ITIH3: variants seen among roughly 807,000 people sequenced by gnomAD.
The protein encoded by ITIH3 is inter-alpha-trypsin inhibitor heavy chain H3.
In ITIH3, 81 loss-of-function variants were observed where a neutral mutation model predicts 96.5. That is an observed-to-expected ratio of 0.84 (90% CI 0.70 to 1.01). The LOEUF is 1.01. Among genes scored for constraint, ITIH3 ranks in the 50% least tolerant of loss-of-function variants. ITIH3 has a pLI of 0.00. For missense variants in ITIH3, 1,057 were observed against 1,139.3 expected (o/e 0.93, Z 1.04); for synonymous variants, 422 against 445.2 (o/e 0.95, Z 0.66).
intron 1 of ITIH3, 118 bp from the exon 2 acceptor site, chr3:52,795,485 G>A (rs1699544271): frequency 9.3e-7 from 1 of 1,069,692 alleles, no homozygotes; most frequent in Non-Finnish European, 1.4e-6. Context: ...CCACTCAGGT[G>A]TGTGGGGGGC....
chr3:52,802,697 G>T lies in ITIH3; in HGVS notation c.1600G>T (p.Val534Leu), dbSNP rs1699882552. The change falls in exon 13 of 22, where the codon GTG becomes TTG. Residue 534 changes from valine to leucine, a missense_variant. By Grantham distance (32) the Val-to-Leu change is conservative (BLOSUM62 1). Coordinates refer to ENST00000449956, the MANE Select transcript of ITIH3 (RefSeq NM_002217.4). Reference protein sequence around the residue: ...ATNDLTFTEEVDMKEMEKALQ... With the variant: ...ATNDLTFTEELDMKEMEKALQ... ...CAACGACCTGACCTTCACAGAGGAG[G>T]TGGACATGAAGGAGATGGAGAAGGC... is the stretch of plus-strand genomic sequence containing the variant. 1 of 1,613,966 alleles carries T rather than the reference G, an allele frequency of 6.2e-7. No individual in the cohort carries two copies. Among genetic ancestry groups the T allele is most frequent in the Non-Finnish European group, 8.5e-7 (1 of 1,179,878 alleles).
At chr3:52,798,494 C>T (rs1367179433) in intron 6 of ITIH3, 5 of 182,146 alleles carry the variant, frequency 2.7e-5, no homozygotes, top group Admixed American at 2.7e-4. Context: ...CCGGGACCCT[C>T]CTCCTCCCCT....
In ITIH3 at chr3:52,805,885, C is replaced by T. The variant is rs762283485; in HGVS notation, c.1906+45C>T. 2.5e-6 allele frequency: 4 copies of T among 1,603,576 alleles called. No homozygotes were observed. The African/African-American group carries it at 5.4e-5, about 21-fold the overall frequency. On this transcript the variant is annotated intron_variant, in intron 16 of 21. Coordinates refer to ENST00000449956, the MANE Select transcript of ITIH3 (RefSeq NM_002217.4). ...TGCCACTCCTCCCACTGCTTAGAGC[C>T]TGCCCCTGCCACATGTCCCTCCACC...
rs751316043 is a variant in ITIH3, at chr3:52,803,912, C to A, written c.1767C>A (p.Ser589=). 6.2e-7 allele frequency: 1 copy of A among 1,613,992 alleles called. No homozygotes were observed. ...ENLTARALDL[S]LKYHFVTPLT... ...TCACGGCCCGGGCCCTGGACCTGTC[C>A]CTCAAGTATCACTTTGTGACTCCAC... The change falls in exon 14 of 22, where the codon TCC becomes TCA. Residue 589 remains serine, a synonymous_variant. Transcript: ENST00000449956.
Position 52,797,116 on chromosome 3 carries a change from G to T in ITIH3, c.398G>T (p.Arg133Met). Residue 133 changes from arginine to methionine, a missense_variant, in exon 5 of 22, where the codon AGG (arginine) becomes ATG (methionine). Arg to Met is a moderately conservative substitution (Grantham distance 91). Coordinates refer to ENST00000449956, the MANE Select transcript of ITIH3 (RefSeq NM_002217.4). Reference protein sequence around the residue: ...KTAGLVKASGRKLEKFTVSVN... With the variant: ...KTAGLVKASGMKLEKFTVSVN... ...CGCACCCTGGTCAGGGCCTCTGGGA[G>T]GAAGTTGGAGAAGTTCACAGTCTCG... 6.2e-7 allele frequency: 1 copy of T among 1,609,386 alleles called. No individual in the cohort carries two copies.
At chr3:52,805,313 A>C in intron 15 of ITIH3, 1 of 1,006,836 alleles carries the variant, frequency 9.9e-7, no homozygotes. Context: ...TTGGACTGGC[A>C]CATTTGGACT....
At chr3:52,806,793 C>A in intron 18 of ITIH3, 108 bp from the exon 19 acceptor site, 1 of 866,670 alleles carries the variant, frequency 1.2e-6, no homozygotes, top group Non-Finnish European at 1.9e-6. Context: ...GTGGCCCCCG[C>A]TCTGCTGCCC....
In ITIH3 at chr3:52,802,477, C is replaced by G. The variant is rs112611952; in HGVS notation, c.1527C>G (p.Asp509Glu). The change falls in exon 12 of 22, where the codon GAC (aspartate) becomes GAG (glutamate). Residue 509 changes from aspartate to glutamate, a missense_variant. By Grantham distance (45) the Asp-to-Glu change is conservative (BLOSUM62 2). Coordinates refer to ENST00000449956, the MANE Select transcript of ITIH3 (RefSeq NM_002217.4). ...TCGTGGTGGCCGGGCGCCTGGTGGA[C>G]GAGGACATGAACAGCTTTAAGGCAG... ...SEIVVAGRLV[D>E]EDMNSFKADV... The G allele has an allele frequency of 6.2e-6, 10 of 1,613,860 alleles. No homozygotes were observed. In the South Asian group the frequency reaches 1.1e-4, roughly 18 times the overall value.
Position 52,800,630 on chromosome 3 carries a change from GTCA to G in ITIH3, c.1173_1175del (p.Ile391del). The G allele has an allele frequency of 6.3e-7, 1 of 1,591,626 alleles. No homozygotes were observed. Among genetic ancestry groups the G allele is most frequent in the African/African-American group, 1.3e-5 (1 of 74,694 alleles). Reference sequence around the variant, plus strand: ...AATCCCAGAGAGGAGCACCTCCATTGTCATCATGCTGACTGATGGGGATGCCAA... The same window carrying G: ...AATCCCAGAGAGGAGCACCTCCATTGTCATGCTGACTGATGGGGATGCCAA... On this transcript the variant is annotated inframe_deletion, in exon 10 of 22. Transcript: ENST00000449956.
rs757078473 is a variant in ITIH3 at position 52,803,914 on chromosome 3, T to C, written c.1769T>C (p.Leu590Pro). ...ACGGCCCGGGCCCTGGACCTGTCCC[T>C]CAAGTATCACTTTGTGACTCCACTG... is the stretch of plus-strand genomic sequence containing the variant. Reference protein sequence around the residue: ...NLTARALDLSLKYHFVTPLTS... With the variant: ...NLTARALDLSPKYHFVTPLTS... Residue 590 changes from leucine to proline, a missense_variant, in exon 14 of 22, where the codon CTC becomes CCC. Leu to Pro is a moderately conservative substitution (Grantham distance 98). Transcript: ENST00000449956. The C allele has an allele frequency of 6.2e-7, 1 of 1,613,954 alleles. No homozygotes were observed. The highest frequency in any genetic ancestry group is 1.6e-4 in the Middle Eastern group (1 of 6,062).
rs1288275111 is a variant in ITIH3 at position 52,796,810 on chromosome 3, C to A, written c.353C>A (p.Ala118Asp). The A allele has an allele frequency of 6.2e-7, 1 of 1,612,302 alleles. No homozygotes were observed. The change falls in exon 4 of 22, where the codon GCT (alanine) becomes GAT (aspartate). Residue 118 changes from alanine to aspartate, a missense_variant. Coordinates refer to ENST00000449956, the MANE Select transcript of ITIH3 (RefSeq NM_002217.4). ...GTTGCCAAGAAGCAGTATGAAAAGG[C>A]TGTGTCCCAGGGCAAGACGGCCGGC... is the stretch of plus-strand genomic sequence containing the variant. ...KEVAKKQYEK[A>D]VSQGKTAGLV...
intron 16 of ITIH3, 103 bp from the exon 17 acceptor site, chr3:52,806,000 G>A (rs1190933592): frequency 1.2e-5 from 18 of 1,488,818 alleles, no homozygotes; most frequent in Middle Eastern, 1.7e-4. Flanking sequence ...ATTAGCGAGC[G>A]GGAAGGGGAG....
At chr3:52,795,528 A>C in intron 1 of ITIH3, 75 bp from the exon 2 acceptor site, 1 of 1,515,888 alleles carries the variant, frequency 6.6e-7, no homozygotes, top group Non-Finnish European at 9.0e-7. Context: ...CTCAGCCCAG[A>C]GCCTCCCAGG....
chr3:52,800,875 C>T, intron 10 of ITIH3, 90 bp from the exon 11 acceptor site: 1 of 1,535,888 alleles, frequency 6.5e-7, no homozygotes, highest in Non-Finnish European at 8.9e-7. Context: ...AGCAACTCTG[C>T]ATGTGCAGGA....
chr3:52,800,783 G>A (rs1699802197), intron 10 of ITIH3, 120 bp downstream of exon 10: 3 of 1,491,276 alleles, frequency 2.0e-6, no homozygotes, highest in Non-Finnish European at 2.7e-6. Flanking sequence ...TGTGGTCTGG[G>A]AGCCCCTCAA....
chr3:52,808,596 A>G lies in ITIH3; in HGVS notation c.2588A>G (p.Lys863Arg). Reference protein sequence around the residue: ...DYRKDASIGTKVVCWFVHNNG... With the variant: ...DYRKDASIGTRVVCWFVHNNG... ...AGAAAGGATGCCAGCATCGGCACGA[A>G]GGTTGTCTGCTGGTTCGTCCACAAC... is the stretch of plus-strand genomic sequence containing the variant. Residue 863 changes from lysine (K) to arginine (R), a missense_variant, in exon 22 of 22, where the codon AAG becomes AGG. By Grantham distance (26) the Lys-to-Arg change is conservative. Coordinates refer to ENST00000449956, the MANE Select transcript of ITIH3 (RefSeq NM_002217.4). 6.2e-7 allele frequency: 1 copy of G among 1,613,968 alleles called. No homozygotes were observed. The highest frequency in any genetic ancestry group is 8.5e-7 in the Non-Finnish European group (1 of 1,179,872).
chr3:52,796,588 C>T lies in ITIH3; in HGVS notation c.222C>T (p.Ala74=), dbSNP rs765265218. ...GAGCCGTCAACCGTGCAGACACGGCCAAGGAGGTTTCCTTTGATGTGGAGC... is the reference window on the plus strand; with the variant it reads ...GAGCCGTCAACCGTGCAGACACGGCTAAGGAGGTTTCCTTTGATGTGGAGC... The part of the protein sequence containing the change: ...TMRAVNRADT[A]KEVSFDVELP... The change falls in exon 3 of 22, where the codon GCC becomes GCT. Residue 74 remains alanine (A), a synonymous_variant. Coordinates refer to ENST00000449956, the MANE Select transcript of ITIH3 (RefSeq NM_002217.4). 7 of 1,613,330 alleles carry T rather than the reference C, an allele frequency of 4.3e-6. No individual in the cohort carries two copies. Among genetic ancestry groups the T allele is most frequent in the African/African-American group, 4.0e-5 (3 of 74,926 alleles).
At chr3:52,805,437 A>T in intron 15 of ITIH3, 1 of 1,071,540 alleles carries the variant, frequency 9.3e-7, no homozygotes, top group Non-Finnish European at 1.1e-6. Context: ...GTGGGTGTTT[A>T]CTATCAAGAA....
intron 14 of ITIH3, 59 bp from the exon 15 acceptor site, chr3:52,804,667 C>T (rs1208647154): frequency 2.6e-6 from 4 of 1,555,670 alleles, no homozygotes. Context: ...GGTCCCTGCT[C>T]ACAAGTGCCC....
Sources: allele counts gnomAD v4.1 joint callset, GRCh38; gene constraint gnomAD v4.1.1; transcripts MANE v1.5; gene names NCBI Gene and HGNC (gene_info 2026-07-23, HGNC 2026-07-21).